Variants in KIF19 observed in about 807,000 individuals in gnomAD.
The protein encoded by KIF19 is kinesin-like protein KIF19.
Under a neutral mutation model 106.6 loss-of-function variants are expected in KIF19, and 98 were observed. The ratio of observed to expected loss-of-function variants is 0.92; its 90% confidence interval spans 0.78 to 1.09. The LOEUF (loss-of-function observed/expected upper bound fraction) is 1.09, where lower values mean the gene tolerates loss of function less well. KIF19 is among the 50% of genes least tolerant of loss of function. The pLI, the probability that KIF19 is intolerant of heterozygous loss-of-function variation, is 0.00. For missense variants in KIF19, 1,373 were observed against 1,414.3 expected (o/e 0.97, Z 0.47); for synonymous variants, 516 against 584.2 (o/e 0.88, Z 1.68).
At chr17:74,344,633 C>T in intron 6 of KIF19, 128 bp from the exon 7 acceptor site, 2 of 1,022,008 alleles carry the variant, frequency 2.0e-6, no homozygotes, top group Non-Finnish European at 2.8e-6. Flanking sequence ...CGGAGCCCAG[C>T]CCACTCCAGC....
Position 74,331,679 on chromosome 17 carries a change from C to T in KIF19, c.120+3174C>T, listed in dbSNP as rs543428584. ...GCAACCTCCGCCTCCTGGATTCAAG[C>T]GATTCTCCTGCCTCAGCCTCCCATG... is the stretch of plus-strand genomic sequence containing the variant. On this transcript the variant is annotated intron_variant, in intron 2 of 19. Transcript: ENST00000389916. The surrounding 1 kb of genome is among the most constrained non-coding windows in gnomAD (Gnocchi z 4.1). Among the ~76,000 whole-genome samples the T allele has an allele frequency of 4.0e-4, 61 of 151,950 alleles. No individual in the cohort carries two copies. Among genetic ancestry groups the T allele is most frequent in the African/African-American group, 1.4e-3 (60 of 41,440 alleles).
At chr17:74,354,978 C>T (rs778176478) in intron 19 of KIF19, 37 bp downstream of exon 19, 4 of 1,569,578 alleles carry the variant, frequency 2.5e-6, no homozygotes, top group East Asian at 4.6e-5. Flanking sequence ...GAGGGGAGGC[C>T]TCCACCAGGC....
rs540857341 is a variant in KIF19, at chr17:74,347,799, G to A, written c.947G>A (p.Arg316His). The change falls in exon 9 of 20, where the codon CGC becomes CAC. Residue 316 changes from arginine (R) to histidine (H), a missense_variant. Coordinates refer to ENST00000389916, the MANE Select transcript of KIF19 (RefSeq NM_153209.4). ...LLKDSLGGNS[R>H]TVMIAHISPA... is the part of the protein sequence containing the mutation. ...CAGGACTCTCTGGGAGGAAACAGCC[G>A]CACAGTGATGATCGCTCACATCAGT... is the stretch of plus-strand genomic sequence containing the variant. 75 of 1,588,202 alleles carry A rather than the reference G, an allele frequency of 4.7e-5. 1 individual carries two copies. Among genetic ancestry groups the A allele is most frequent in the South Asian group, 3.0e-4 (26 of 86,628 alleles).
At position 74,354,346 on chromosome 17, in the gene KIF19, GCCGC is replaced by G. The variant is rs1156324469; in HGVS notation, c.2496_2499del (p.Pro833AlafsTer196). The G allele has an allele frequency of 6.2e-7, 1 of 1,605,590 alleles. No homozygotes were observed. The highest frequency in any genetic ancestry group is 1.3e-5 in the African/African-American group (1 of 74,790). On this transcript the variant is annotated frameshift_variant, in exon 18 of 20. Transcript: ENST00000389916. LOFTEE classifies it high-confidence loss of function. ...CACCAGGCCCACTGGCCTGCAAGCG[GCCGC>G]CCAGCCCCACACTACAGCATGCTGC...
chr17:74,342,646 C>CCA lies in KIF19; in HGVS notation c.250_251dup (p.Thr85ProfsTer74). Reference sequence around the variant, plus strand: ...TCCTCGCAGGAGATGGTGTATCAGGCCACCACCAAGAGCCTCATCGAGGGC... The same window carrying CCA: ...TCCTCGCAGGAGATGGTGTATCAGGCCACACCACCAAGAGCCTCATCGAGGGC... On this transcript the variant is annotated frameshift_variant, in exon 4 of 20. Coordinates refer to ENST00000389916, the MANE Select transcript of KIF19 (RefSeq NM_153209.4). LOFTEE classifies it high-confidence loss of function. 23 of 1,613,360 alleles carry CCA rather than the reference C, an allele frequency of 1.4e-5. No individual in the cohort carries two copies. Among genetic ancestry groups the CCA allele is most frequent in the Non-Finnish European group, 1.9e-5 (23 of 1,179,636 alleles).
chr17:74,342,694 C>G lies in KIF19; in HGVS notation c.296C>G (p.Thr99Ser). The stretch of plus-strand genomic sequence containing the variant: ...GGCGTCATCTCAGGCTACAATGCCA[C>G]TGTCTTTGCCTATGGCCCCACAGGT... ...IEGVISGYNA[T>S]VFAYGPTGCG... Residue 99 changes from threonine (T) to serine (S), a missense_variant, in exon 4 of 20, where the codon ACT becomes AGT. Physicochemically the swap from Thr to Ser is moderately conservative, Grantham distance 58. Coordinates refer to ENST00000389916, the MANE Select transcript of KIF19 (RefSeq NM_153209.4). The G allele has an allele frequency of 6.2e-7, 1 of 1,613,760 alleles. No individual in the cohort carries two copies. Among genetic ancestry groups the G allele is most frequent in the Non-Finnish European group, 8.5e-7 (1 of 1,179,802 alleles).
intron 8 of KIF19, among the ~76,000 whole-genome samples, chr17:74,347,574 T>A (rs1365071478): frequency 2.7e-5 from 4 of 150,764 alleles, no homozygotes. Flanking sequence ...GTGAATGAGC[T>A]TTATTAAGGT....
Position 74,347,838 on chromosome 17 carries a change from C to A in KIF19, c.986C>A (p.Ala329Asp). The stretch of plus-strand genomic sequence containing the variant: ...GCTCACATCAGTCCTGCGAGCAGTG[C>A]CTTCGAGGAGTCCCGGAACACCCTG... ...MIAHISPASSAFEESRNTLTY... is the reference protein window; with the variant it reads ...MIAHISPASSDFEESRNTLTY... The change falls in exon 9 of 20, where the codon GCC (alanine) becomes GAC (aspartate). Residue 329 changes from alanine (A) to aspartate (D), a missense_variant. Coordinates refer to ENST00000389916, the MANE Select transcript of KIF19 (RefSeq NM_153209.4). 1 of 1,586,538 alleles carries A rather than the reference C, an allele frequency of 6.3e-7. No homozygotes were observed.
intron 2 of KIF19, 78 bp downstream of exon 2, chr17:74,328,583 G>A: frequency 8.1e-7 from 1 of 1,232,908 alleles, no homozygotes; most frequent in Non-Finnish European, 1.1e-6. Context: ...AGGGCAGAAA[G>A]GGCCCCTGTG....
At chr17:74,353,673 CTGCCAAGTGCAA>C in intron 17 of KIF19, 92 bp downstream of exon 17, 2 of 1,010,664 alleles carry the variant, frequency 2.0e-6, no homozygotes, top group Non-Finnish European at 3.1e-6. Flanking sequence ...GCCCTCTGCA[CTGCCAAGTGCAA>C]CCAAGCATTG....
chr17:74,354,141 G>A (rs1435167385), intron 17 of KIF19, 21 bp from the exon 18 acceptor site: 3 of 1,586,538 alleles, frequency 1.9e-6, no homozygotes, highest in Non-Finnish European at 2.6e-6. Context: ...CGGGTTGTAT[G>A]TTCCCCGTGT....
At position 74,350,865 on chromosome 17, in the gene KIF19, C is replaced by T. The variant is rs1567919043; in HGVS notation, c.1547C>T (p.Ala516Val). The T allele has an allele frequency of 1.2e-6, 2 of 1,613,876 alleles. No homozygotes were observed. Among genetic ancestry groups the T allele is most frequent in the Admixed American group, 1.7e-5 (1 of 59,996 alleles). Reference protein sequence around the residue: ...PEVAAARESIAALVDEQKQLR... With the variant: ...PEVAAARESIVALVDEQKQLR... ...GTGGCCGCAGCCCGGGAGAGCATTGCAGCCCTGGTGGACGAGCAGAAGCAA... is the reference window on the plus strand; with the variant it reads ...GTGGCCGCAGCCCGGGAGAGCATTGTAGCCCTGGTGGACGAGCAGAAGCAA... Residue 516 changes from alanine to valine, a missense_variant, in exon 12 of 20, where the codon GCA becomes GTA. Ala to Val is a moderately conservative substitution (Grantham distance 64). Coordinates refer to ENST00000389916, the MANE Select transcript of KIF19 (RefSeq NM_153209.4).
rs755842776 is a variant in KIF19, at chr17:74,352,150, C to A, written c.1858+13C>A. 3 of 1,583,708 alleles carry A rather than the reference C, an allele frequency of 1.9e-6. No homozygotes were observed. The highest frequency in any genetic ancestry group is 1.7e-6 in the Non-Finnish European group (2 of 1,162,562). On this transcript the variant is annotated intron_variant, in intron 13 of 19. Coordinates refer to ENST00000389916, the MANE Select transcript of KIF19 (RefSeq NM_153209.4). ...CAGATCATCGACGGTAGGGCCCACGCCCCCGCGCATCTGAGCCACCCGCGG... is the reference window on the plus strand; with the variant it reads ...CAGATCATCGACGGTAGGGCCCACGACCCCGCGCATCTGAGCCACCCGCGG...
At chr17:74,348,905 C>A (rs181234535) in intron 9 of KIF19, 67 of 473,652 alleles carry the variant, frequency 1.4e-4, no homozygotes, top group South Asian at 2.6e-4. Context: ...GATGTTCATG[C>A]AGGAGCGGTG....
At position 74,353,193 on chromosome 17, in the gene KIF19, C is replaced by T. The variant is rs769459395; in HGVS notation, c.2115-3C>T. The stretch of plus-strand genomic sequence containing the variant: ...GCCACTCATCTTCCTCTGCCAACTT[C>T]AGTGAAGGCCACCACGTGTTCAAGG... On this transcript the variant is annotated splice_polypyrimidine_tract_variant and splice_region_variant and intron_variant, in intron 15 of 19. Coordinates refer to ENST00000389916, the MANE Select transcript of KIF19 (RefSeq NM_153209.4). 5 of 1,579,604 alleles carry T rather than the reference C, an allele frequency of 3.2e-6. No individual in the cohort carries two copies. The highest frequency in any genetic ancestry group is 4.3e-6 in the Non-Finnish European group (5 of 1,162,734).
chr17:74,350,321 G>A (rs903282950), intron 10 of KIF19, 80 bp from the exon 11 acceptor site: 6 of 1,360,212 alleles, frequency 4.4e-6, no homozygotes, highest in Admixed American at 4.7e-5. Context: ...AGAAAAGGAG[G>A]GGAGGGGCCC....
At chr17:74,344,654 C>G in intron 6 of KIF19, 107 bp from the exon 7 acceptor site, 1 of 1,228,712 alleles carries the variant, frequency 8.1e-7, no homozygotes. Context: ...CTGCCCTTTC[C>G]CAACTGCTCA....
intron 2 of KIF19, among the ~76,000 whole-genome samples, chr17:74,329,644 G>A (rs187847517): frequency 1.3e-3 from 195 of 152,012 alleles, no homozygotes; most frequent in African/African-American, 4.6e-3. Flanking sequence ...GGCTCAAGCA[G>A]GAGAGTAAGG....
In KIF19 at chr17:74,343,091, C is replaced by A. The variant is rs747262363; in HGVS notation, c.387C>A (p.Asn129Lys). Residue 129 changes from asparagine to lysine, a missense_variant, in exon 5 of 20, where the codon AAC becomes AAA. Transcript: ENST00000389916. ...QEPGIYVQTL[N>K]DLFRAIEETS... Reference sequence around the variant, plus strand: ...CTGGCATCTATGTTCAGACCCTCAACGACCTCTTCCGTGCCATCGAGGAGA... The same window carrying A: ...CTGGCATCTATGTTCAGACCCTCAAAGACCTCTTCCGTGCCATCGAGGAGA... The A allele has an allele frequency of 8.1e-6, 13 of 1,613,038 alleles. No individual in the cohort carries two copies. Among genetic ancestry groups the A allele is most frequent in the African/African-American group, 1.3e-5 (1 of 74,926 alleles).
Sources: gnomAD v4.1 joint callset for allele counts (sites outside exome capture counted in the v4.1 genomes callset) on GRCh38, gnomAD v4.1.1 for gene constraint, Gnocchi (gnomAD v3.1) non-coding constraint, MANE v1.5 for transcripts, NCBI Gene and HGNC (gene_info 2026-07-23, HGNC 2026-07-21) for gene names.